SNX8: variants seen among roughly 807,000 people sequenced by gnomAD.
SNX8 encodes sorting nexin 8, also known as sorting nexin-8.
A neutral mutation model predicts 51.6 loss-of-function variants in SNX8; 25 were observed. The ratio of observed to expected loss-of-function variants is 0.48; its 90% CI spans 0.35 to 0.68. The LOEUF (loss-of-function observed/expected upper bound fraction) is 0.68. Ranked by LOEUF, SNX8 falls within the 30% of genes least tolerant of loss-of-function variation. SNX8 has a pLI of 0.00. For missense variants in SNX8, 695 were observed against 624.0 expected (o/e 1.11, Z -1.21); for synonymous variants, 324 against 277.0 (o/e 1.17, Z -1.68).
chr7:2,283,616 GC>G (rs1450101607), intron 1 of SNX8, among the ~76,000 whole-genome samples: 2 of 152,214 alleles, frequency 1.3e-5, no homozygotes, highest in Non-Finnish European at 2.9e-5. Context: ...GCTGTCCCCA[GC>G]TGCCAGTTCC....
intron 1 of SNX8, among the ~76,000 whole-genome samples, chr7:2,282,195 C>T (rs2115146232): frequency 6.6e-6 from 1 of 152,000 alleles, no homozygotes; most frequent in East Asian, 1.9e-4. Context: ...AAAGATTCTG[C>T]AGATCTACCC....
At chr7:2,294,766 G>T in intron 1 of SNX8, among the ~76,000 whole-genome samples, 1 of 152,242 alleles carries the variant, frequency 6.6e-6, no homozygotes, top group Middle Eastern at 3.4e-3. Context: ...GGCCAGCAGC[G>T]GCTCACACCT....
chr7:2,344,161 G>A (rs570211555), intron 1 of SNX8, among the ~76,000 whole-genome samples: 18 of 151,912 alleles, frequency 1.2e-4, no homozygotes, highest in African/African-American at 4.1e-4. Context: ...CCATGATCAC[G>A]TAATTGAGCC....
intron 1 of SNX8, among the ~76,000 whole-genome samples, chr7:2,287,415 C>T (rs1796056603): frequency 6.6e-6 from 1 of 152,032 alleles, no homozygotes. Flanking sequence ...CCCATCTCTA[C>T]TAAAAATACA....
chr7:2,313,136 T>C (rs1796691260), intron 1 of SNX8, among the ~76,000 whole-genome samples: 1 of 151,926 alleles, frequency 6.6e-6, no homozygotes, highest in South Asian at 2.1e-4. Flanking sequence ...CCTGACCTCG[T>C]GATCCGCCCG....
At chr7:2,257,142 C>G in intron 9 of SNX8, 119 bp from the exon 10 acceptor site, 2 of 1,297,700 alleles carry the variant, frequency 1.5e-6, no homozygotes, top group South Asian at 1.5e-5. Context: ...CTTCACCAGG[C>G]ATTTGGAAGG....
intron 3 of SNX8, among the ~76,000 whole-genome samples, chr7:2,273,332 C>G (rs1431721140): frequency 6.6e-6 from 1 of 151,906 alleles, no homozygotes; most frequent in Admixed American, 6.6e-5. Context: ...CACCTGTAAT[C>G]CCAGCACTTT....
At position 2,292,856 on chromosome 7, in the gene SNX8, C is replaced by G. The variant is rs1030584964; in HGVS notation, c.95-14551G>C. ...GCAACGCGGCAAGATCCTGCCTCTACAAAACAAAAATAAAAAATTAGCCAG... is the reference window on the plus strand; with the variant it reads ...GCAACGCGGCAAGATCCTGCCTCTAGAAAACAAAAATAAAAAATTAGCCAG... On this transcript the variant is annotated intron_variant, in intron 1 of 10. Transcript: ENST00000222990. 2.6e-5 allele frequency among the ~76,000 whole-genome samples: 4 copies of G among 151,836 alleles called. No individual in the cohort carries two copies. In the South Asian group the frequency reaches 8.3e-4, roughly 32 times the overall value.
intron 3 of SNX8, among the ~76,000 whole-genome samples, chr7:2,272,357 C>G (rs1456274555): frequency 2.0e-5 from 3 of 151,996 alleles, no homozygotes; most frequent in Non-Finnish European, 4.4e-5. Flanking sequence ...CTAACACTAA[C>G]GCAACCCAGG....
At chr7:2,262,041 C>CT (rs932225862) in intron 7 of SNX8, among the ~76,000 whole-genome samples, 59 of 152,088 alleles carry the variant, frequency 3.9e-4, no homozygotes, top group Non-Finnish European at 1.3e-4. Context: ...ACTATGTCCA[C>CT]TTTTTTTTGT....
At chr7:2,294,367 G>A (rs1302337593) in intron 1 of SNX8, among the ~76,000 whole-genome samples, 2 of 152,170 alleles carry the variant, frequency 1.3e-5, no homozygotes, top group African/African-American at 2.4e-5. Flanking sequence ...AAGACAGGCA[G>A]TCACCAGTAC....
At chr7:2,274,254 A>G (rs1026917704) in intron 3 of SNX8, among the ~76,000 whole-genome samples, 1 of 152,228 alleles carries the variant, frequency 6.6e-6, no homozygotes, top group African/African-American at 2.4e-5. Flanking sequence ...TTGCTCAGTG[A>G]CCGATGAGAG....
intron 5 of SNX8, among the ~76,000 whole-genome samples, chr7:2,269,177 C>T (rs1448407400): frequency 6.6e-6 from 1 of 150,676 alleles, no homozygotes; most frequent in Non-Finnish European, 1.5e-5. Flanking sequence ...TCATTTTGTT[C>T]TGTACTAAGA....
chr7:2,302,878 C>A (rs1359757462), intron 1 of SNX8, among the ~76,000 whole-genome samples: 1 of 151,504 alleles, frequency 6.6e-6, no homozygotes, highest in Non-Finnish European at 1.5e-5. Flanking sequence ...ACCGCCCCGT[C>A]TGAGAAGTGA....
At chr7:2,348,294 G>A (rs1779071188) in intron 1 of SNX8, among the ~76,000 whole-genome samples, 3 of 151,506 alleles carry the variant, frequency 2.0e-5, no homozygotes, top group African/African-American at 7.3e-5. Context: ...GAAGGACAAG[G>A]CAGAGGCTCT....
chr7:2,281,705 T>A (rs1433183274), intron 1 of SNX8, among the ~76,000 whole-genome samples: 2 of 152,066 alleles, frequency 1.3e-5, no homozygotes, highest in Non-Finnish European at 2.9e-5. Flanking sequence ...GGCCCCCAGC[T>A]GGAAAGGCTG....
At position 2,325,909 on chromosome 7, in the gene SNX8, G is replaced by T. The variant is rs557661306; in HGVS notation, c.-66+28313C>A. Among the ~76,000 whole-genome samples, 305 of 152,156 alleles carry T rather than the reference G, an allele frequency of 2.0e-3. 1 individual carries two copies. Among genetic ancestry groups the T allele is most frequent in the African/African-American group, 7.0e-3 (290 of 41,514 alleles). On this transcript the variant is annotated intron_variant, in intron 1 of 5. Transcript: ENST00000435336. ...GTGTTCTTGGAAACTGGAGAAAGGGGGACCCCATTATGTAGTCTCAGAAAT... is the reference window on the plus strand; with the variant it reads ...GTGTTCTTGGAAACTGGAGAAAGGGTGACCCCATTATGTAGTCTCAGAAAT...
In SNX8 at chr7:2,257,786, G is replaced by C. The variant is rs1301260212; in HGVS notation, c.933C>G (p.Asn311Lys). Reference sequence around the variant, plus strand: ...AGAGGTTCAGCTTCTCCACCACGTCGTTCTCTTCCTGCTTACCCTGGAAGG... The same window carrying C: ...AGAGGTTCAGCTTCTCCACCACGTCCTTCTCTTCCTGCTTACCCTGGAAGG... The part of the protein sequence containing the change: ...KAAQQGKQEE[N>K]DVVEKLNLFL... The change falls in exon 8 of 11, where the codon AAC (asparagine) becomes AAG (lysine). Residue 311 changes from asparagine to lysine, a missense_variant. By Grantham distance (94) the Asn-to-Lys change is moderately conservative (BLOSUM62 0). Transcript: ENST00000222990. 2 of 1,613,970 alleles carry C rather than the reference G, an allele frequency of 1.2e-6. No homozygotes were observed. Among genetic ancestry groups the C allele is most frequent in the Non-Finnish European group, 1.7e-6 (2 of 1,179,972 alleles).
intron 1 of SNX8, among the ~76,000 whole-genome samples, chr7:2,325,524 C>T (rs1241643062): frequency 6.6e-6 from 1 of 152,024 alleles, no homozygotes; most frequent in African/African-American, 2.4e-5. Context: ...GATGAGGGCT[C>T]AGAATGTAAT....
Sources: allele counts gnomAD v4.1 joint callset (sites outside exome capture counted in the v4.1 genomes callset), GRCh38; gene constraint gnomAD v4.1.1; transcripts MANE v1.5; gene names NCBI Gene and HGNC (gene_info 2026-07-23, HGNC 2026-07-21).